The following HSD17B6 variants were observed in gnomAD, a reference collection of about 807,000 sequenced individuals.
HSD17B6 encodes hydroxysteroid 17-beta dehydrogenase 6.
In HSD17B6, 16 loss-of-function variants were observed where a neutral mutation model predicts 26.4. The observed-to-expected ratio is 0.61, with a 90% CI of 0.41 to 0.92. The LOEUF (loss-of-function observed/expected upper bound fraction) is 0.92. Among genes scored for constraint, HSD17B6 ranks in the 40% least tolerant of loss-of-function variants. The pLI is 0.00. For synonymous variants in HSD17B6, 139 were observed against 153.0 expected (o/e 0.91, Z 0.68); for missense variants, 357 against 386.1 (o/e 0.92, Z 0.63).
chr12:56,768,756 T>C (rs1592357454), intron 1 of HSD17B6, among the ~76,000 whole-genome samples: 1 of 132,290 alleles, frequency 7.6e-6, no homozygotes, highest in South Asian at 2.9e-4. Context: ...TTGCCTTATA[T>C]TGGCGGTGGG....
intron 1 of HSD17B6, among the ~76,000 whole-genome samples, chr12:56,767,710 CAT>C (rs933009286): frequency 1.4e-5 from 2 of 141,154 alleles, no homozygotes; most frequent in Admixed American, 7.3e-5. Flanking sequence ...TATATATACA[CAT>C]ATATACACAC....
At chr12:56,783,434 G>C (rs1954778543) in intron 3 of HSD17B6, among the ~76,000 whole-genome samples, 1 of 141,306 alleles carries the variant, frequency 7.1e-6, no homozygotes, top group East Asian at 2.2e-4. Flanking sequence ...TCCCAGTAGG[G>C]GCGGCCGGGC....
intron 3 of HSD17B6, among the ~76,000 whole-genome samples, chr12:56,784,604 T>G (rs1234053376): frequency 2.0e-5 from 3 of 151,968 alleles, no homozygotes; most frequent in Admixed American, 6.5e-5. Context: ...GCAGGGAGGT[T>G]GCAGTGAGCC....
intron 2 of HSD17B6, among the ~76,000 whole-genome samples, chr12:56,781,524 C>T (rs1174073671): frequency 6.6e-6 from 1 of 152,156 alleles, no homozygotes; most frequent in African/African-American, 2.4e-5. Flanking sequence ...ATTTAGCAGG[C>T]TGGGCGTGGT....
intron 1 of HSD17B6, among the ~76,000 whole-genome samples, chr12:56,773,582 C>T (rs1169635712): frequency 6.6e-6 from 1 of 152,206 alleles, no homozygotes; most frequent in Non-Finnish European, 1.5e-5. Flanking sequence ...TCCTTCTGTG[C>T]TAGGCTATCG....
chr12:56,785,959 A>G, intron 4 of HSD17B6: 1 of 985,302 alleles, frequency 1.0e-6, no homozygotes, highest in Non-Finnish European at 1.2e-6. Context: ...TATTATTCTG[A>G]AGACCTGGAG....
intron 4 of HSD17B6, among the ~76,000 whole-genome samples, chr12:56,786,328 C>CA (rs1380022571): frequency 6.7e-6 from 1 of 149,106 alleles, no homozygotes; most frequent in Non-Finnish European, 1.5e-5. Context: ...TGGCTCACTG[C>CA]AACCTCTGCC....
At chr12:56,768,534 C>G (rs1393039279) in intron 1 of HSD17B6, among the ~76,000 whole-genome samples, 1 of 151,962 alleles carries the variant, frequency 6.6e-6, no homozygotes, top group Non-Finnish European at 1.5e-5. Flanking sequence ...CCCTGGAACC[C>G]CCTGAGATGA....
At chr12:56,773,707 T>C in intron 1 of HSD17B6, 127 bp from the exon 2 acceptor site, 3 of 873,832 alleles carry the variant, frequency 3.4e-6, no homozygotes, top group Non-Finnish European at 4.9e-6. Context: ...CCCTTGAGGG[T>C]AGGACTAAGT....
chr12:56,767,864 C>T (rs548037437), intron 1 of HSD17B6, among the ~76,000 whole-genome samples: 33 of 145,532 alleles, frequency 2.3e-4, no homozygotes, highest in South Asian at 4.3e-4. Context: ...TGTGTGTATA[C>T]GTGTATATAT....
chr12:56,783,914 C>T (rs1255637692), intron 3 of HSD17B6, among the ~76,000 whole-genome samples: 3 of 151,414 alleles, frequency 2.0e-5, no homozygotes, highest in African/African-American at 4.9e-5. Flanking sequence ...CTCCTCACTT[C>T]TCAAACGGGG....
chr12:56,783,743 C>T (rs1236644158), intron 3 of HSD17B6, among the ~76,000 whole-genome samples: 16 of 148,456 alleles, frequency 1.1e-4, no homozygotes, highest in African/African-American at 4.0e-4. Flanking sequence ...CAGAGGGGCT[C>T]CTCACTTCCC....
chr12:56,787,014 C>T (rs1954888944), intron 4 of HSD17B6, 111 bp from the exon 5 acceptor site: 1 of 798,646 alleles, frequency 1.3e-6, no homozygotes, highest in South Asian at 1.7e-5. Context: ...GATGCACATT[C>T]TAGATCATTC....
At chr12:56,783,507 C>A in intron 3 of HSD17B6, among the ~76,000 whole-genome samples, 1 of 146,018 alleles carries the variant, frequency 6.8e-6, no homozygotes. Context: ...CCCCCCACCT[C>A]CCTCCCGGAT....
At chr12:56,774,599 A>G (rs1293112600) in intron 2 of HSD17B6, among the ~76,000 whole-genome samples, 1 of 152,216 alleles carries the variant, frequency 6.6e-6, no homozygotes, top group Admixed American at 6.5e-5. Flanking sequence ...TGAAATAATT[A>G]TACAACTCAC....
At chr12:56,785,469 C>G (rs891990915) in intron 4 of HSD17B6, among the ~76,000 whole-genome samples, 2 of 152,220 alleles carry the variant, frequency 1.3e-5, no homozygotes, top group Admixed American at 1.3e-4. Flanking sequence ...CCTCTCAGGA[C>G]AAAGCTCCTT....
intron 3 of HSD17B6, among the ~76,000 whole-genome samples, chr12:56,783,707 C>T (rs1357639654): frequency 6.7e-6 from 1 of 148,340 alleles, no homozygotes; most frequent in Admixed American, 6.6e-5. Flanking sequence ...CCCTCACCTC[C>T]CTCCCGGACG....
At chr12:56,765,614 T>TC (rs1351146715) in intron 1 of HSD17B6, among the ~76,000 whole-genome samples, 1 of 116,688 alleles carries the variant, frequency 8.6e-6, no homozygotes, top group Non-Finnish European at 1.8e-5. Context: ...TCCCACCCCC[T>TC]CCCCCCACCG....
intron 1 of HSD17B6, among the ~76,000 whole-genome samples, chr12:56,765,696 G>C (rs899046602): frequency 6.6e-6 from 1 of 150,918 alleles, no homozygotes; most frequent in Non-Finnish European, 1.5e-5. Flanking sequence ...ATTTTTTGTA[G>C]AGATGGGATT....
Sources: gnomAD v4.1 joint callset for allele counts (sites outside exome capture counted in the v4.1 genomes callset) on GRCh38, gnomAD v4.1.1 for gene constraint, MANE v1.5 for transcripts, NCBI Gene and HGNC (gene_info 2026-07-23, HGNC 2026-07-21) for gene names.